PRKN: variants seen among roughly 807,000 people sequenced by gnomAD.
PRKN encodes the protein E3 ubiquitin-protein ligase parkin.
Under a neutral mutation model 59.5 loss-of-function variants are expected in PRKN, and 56 were observed. The observed-to-expected ratio is 0.94, with a 90% CI of 0.76 to 1.18. The LOEUF is 1.18. Among genes scored for constraint, PRKN ranks in the 50% most tolerant of loss-of-function variants. The pLI, the probability that PRKN is intolerant of heterozygous loss-of-function variation, is 0.00. For synonymous variants in PRKN, 250 were observed against 222.1 expected (o/e 1.13, Z -1.12); for missense variants, 657 against 596.4 (o/e 1.10, Z -1.06).
intron 2 of PRKN, among the ~76,000 whole-genome samples, chr6:162,299,408 A>G (rs1781837607): frequency 6.6e-6 from 1 of 152,106 alleles, no homozygotes; most frequent in Admixed American, 6.6e-5. Flanking sequence ...CTAGAACACT[A>G]TTCTTTTCTC....
At position 161,425,213 on chromosome 6, in the gene PRKN, T is replaced by G. The variant is rs187282631; in HGVS notation, c.1084-38336A>C. 6.6e-4 allele frequency among the ~76,000 whole-genome samples: 101 copies of G among 152,248 alleles called. No homozygotes were observed. In the East Asian group the frequency reaches 0.012, roughly 17 times the overall value. ...TTGACCCCACTAGTCTTGGAAGAGCTGAAACTCCCTCCTAGATTGAACTGT... is the reference window on the plus strand; with the variant it reads ...TTGACCCCACTAGTCTTGGAAGAGCGGAAACTCCCTCCTAGATTGAACTGT... On this transcript the variant is annotated intron_variant, in intron 9 of 11. Coordinates refer to ENST00000366898, the MANE Select transcript of PRKN (RefSeq NM_004562.3).
chr6:162,029,176 A>T (rs1262036180), intron 5 of PRKN, among the ~76,000 whole-genome samples: 2 of 152,080 alleles, frequency 1.3e-5, no homozygotes, highest in Non-Finnish European at 2.9e-5. Flanking sequence ...TGCAGAAACA[A>T]ACCCACCCAC....
At position 162,500,912 on chromosome 6, in the gene PRKN, TC is replaced by T. The variant is rs1216248116; in HGVS notation, c.8-57440del. The stretch of plus-strand genomic sequence containing the variant: ...TGGGTGCAGTGGTTCATGCCTGTAA[TC>T]CCAACACTTTGGGAGGCTGAGGCAG... On this transcript the variant is annotated intron_variant, in intron 1 of 11. Transcript: ENST00000366898. Among the ~76,000 whole-genome samples, 3 of 152,106 alleles carry T rather than the reference TC, an allele frequency of 2.0e-5. No individual in the cohort carries two copies. In the East Asian group the frequency reaches 5.8e-4, roughly 29 times the overall value.
intron 2 of PRKN, among the ~76,000 whole-genome samples, chr6:162,395,293 T>C (rs1787420477): frequency 1.3e-5 from 2 of 152,180 alleles, no homozygotes; most frequent in South Asian, 4.1e-4. Flanking sequence ...CACTTGAACA[T>C]TTGGATTGCT....
At chr6:162,372,479 G>C (rs1785819670) in intron 2 of PRKN, among the ~76,000 whole-genome samples, 2 of 152,106 alleles carry the variant, frequency 1.3e-5, no homozygotes, top group South Asian at 4.1e-4. Flanking sequence ...TTTATCAGAA[G>C]AAAAATAACT....
chr6:162,023,367 T>G (rs1783286660), intron 5 of PRKN, among the ~76,000 whole-genome samples: 1 of 152,152 alleles, frequency 6.6e-6, no homozygotes, highest in Admixed American at 6.5e-5. Flanking sequence ...CACGTTGGCT[T>G]GGCGAATGGG....
chr6:161,567,157 G>C (rs1780683860), intron 8 of PRKN, among the ~76,000 whole-genome samples: 1 of 151,264 alleles, frequency 6.6e-6, no homozygotes, highest in Admixed American at 6.6e-5. Flanking sequence ...CCATGCCTCA[G>C]CCTCCAGAGC....
At position 161,360,019 on chromosome 6, in the gene PRKN, T is replaced by G; in HGVS notation, c.1285+69A>C. 4 of 1,161,154 alleles carry G rather than the reference T, an allele frequency of 3.4e-6. No homozygotes were observed. The South Asian group carries it at 4.9e-5, about 14-fold the overall frequency. The allele number at this position is 1,161,154 out of a possible 1,614,324, so 71.9% of individuals were successfully genotyped here. ...GACAGCATCTCCTTTAATCCTGGAA[T>G]CCCTGATGGGTATGATTCTCCCCCA... On this transcript the variant is annotated intron_variant, in intron 11 of 11. Coordinates refer to ENST00000366898, the MANE Select transcript of PRKN (RefSeq NM_004562.3). This position sits in a 1 kb window ranked among gnomAD's most constrained non-coding sequence, Gnocchi z 5.1.
At chr6:161,587,073 A>C (rs1781548126) in intron 7 of PRKN, among the ~76,000 whole-genome samples, 1 of 152,218 alleles carries the variant, frequency 6.6e-6, no homozygotes, top group African/African-American at 2.4e-5. Context: ...GAACTCACTA[A>C]TCCAAATCAG....
chr6:161,620,936 T>C lies in PRKN; in HGVS notation c.872-51520A>G, dbSNP rs910158102. The stretch of plus-strand genomic sequence containing the variant: ...AGGAAATGGTCACCATGGAAGGCAG[T>C]GAGATGGAGGATAGGCTGTATAATT... On this transcript the variant is annotated intron_variant, in intron 7 of 11. Coordinates refer to ENST00000366898, the MANE Select transcript of PRKN (RefSeq NM_004562.3). Among the ~76,000 whole-genome samples the C allele has an allele frequency of 3.3e-5, 5 of 152,092 alleles. No individual in the cohort carries two copies. In the East Asian group the frequency reaches 9.7e-4, roughly 29 times the overall value.
chr6:161,996,698 A>G (rs1781857517), intron 5 of PRKN, among the ~76,000 whole-genome samples: 1 of 152,176 alleles, frequency 6.6e-6, no homozygotes, highest in Non-Finnish European at 1.5e-5. Flanking sequence ...TTATATTTAC[A>G]TAGATAACAA....
intron 1 of PRKN, among the ~76,000 whole-genome samples, chr6:162,597,166 G>T (rs1477490037): frequency 6.6e-6 from 1 of 152,086 alleles, no homozygotes; most frequent in Non-Finnish European, 1.5e-5. Context: ...TATGGAAATG[G>T]ACAAAAGATA....
chr6:161,426,619 T>C lies in PRKN; in HGVS notation c.1084-39742A>G, dbSNP rs7454741. Among the ~76,000 whole-genome samples the C allele has an allele frequency of 2.2e-3, 291 of 130,442 alleles. 6 individuals carry two copies. The East Asian group carries it at 0.052, about 23-fold the overall frequency. The allele number at this position is 130,442 out of a possible 152,430, so 85.6% of individuals were successfully genotyped here. On this transcript the variant is annotated intron_variant, in intron 9 of 11. Coordinates refer to ENST00000366898, the MANE Select transcript of PRKN (RefSeq NM_004562.3). The stretch of plus-strand genomic sequence containing the variant: ...TGTGGGACCTTGTGATCATGTGAGT[T>C]AATACTACTTAATAAACTCCCCTTT...
chr6:162,361,877 C>T (rs748322492), intron 2 of PRKN, among the ~76,000 whole-genome samples: 1 of 152,142 alleles, frequency 6.6e-6, no homozygotes, highest in Non-Finnish European at 1.5e-5. Flanking sequence ...CTATAACATT[C>T]TTGGAGAAAC....
intron 4 of PRKN, among the ~76,000 whole-genome samples, chr6:162,165,806 T>C (rs1782951566): frequency 1.3e-5 from 2 of 151,640 alleles, no homozygotes; most frequent in African/African-American, 4.9e-5. Flanking sequence ...CTCAGCACTT[T>C]GGGAGGCCGA....
intron 2 of PRKN, among the ~76,000 whole-genome samples, chr6:162,385,775 A>G (rs1000919236): frequency 5.3e-5 from 8 of 152,058 alleles, no homozygotes; most frequent in Non-Finnish European, 1.0e-4. Context: ...CTTTGGGAAA[A>G]TAAAAATGAT....
chr6:161,856,902 T>C (rs945798156), intron 6 of PRKN, among the ~76,000 whole-genome samples: 5 of 152,100 alleles, frequency 3.3e-5, no homozygotes, highest in African/African-American at 1.2e-4. Context: ...GTCTTCAGGG[T>C]CATGGCTAAC....
chr6:162,616,393 CACA>C (rs1202358857), intron 1 of PRKN, among the ~76,000 whole-genome samples: 1 of 152,106 alleles, frequency 6.6e-6, no homozygotes, highest in Non-Finnish European at 1.5e-5. Flanking sequence ...TAGCAATGTG[CACA>C]ACTTCTGCCC....
At chr6:161,896,338 CCTGT>C (rs1338390244) in intron 6 of PRKN, among the ~76,000 whole-genome samples, 13 of 152,262 alleles carry the variant, frequency 8.5e-5, no homozygotes, top group Admixed American at 2.0e-4. Flanking sequence ...GCTTCCATTC[CCTGT>C]CTTTTAGATC....
Sources: allele counts gnomAD v4.1 joint callset (sites outside exome capture counted in the v4.1 genomes callset), GRCh38; gene constraint gnomAD v4.1.1; non-coding constraint Gnocchi (gnomAD v3.1); transcripts MANE v1.5; gene names NCBI Gene and HGNC (gene_info 2026-07-23, HGNC 2026-07-21).